Variants in TPST2 observed in about 807,000 individuals in gnomAD.
TPST2 encodes the protein tyrosylprotein sulfotransferase 2.
Under a neutral mutation model 27.8 loss-of-function variants are expected in TPST2, and 16 were observed. That is an observed-to-expected ratio of 0.58 (90% CI 0.39 to 0.88). The LOEUF (loss-of-function observed/expected upper bound fraction) is 0.88, where lower values mean the gene tolerates loss of function less well. Among genes scored for constraint, TPST2 ranks in the 40% least tolerant of loss-of-function variants. TPST2 has a pLI of 0.00. For missense variants in TPST2, 464 were observed against 543.1 expected (o/e 0.85, Z 1.45); for synonymous variants, 229 against 231.7 (o/e 0.99, Z 0.10).
intron 1 of TPST2, among the ~76,000 whole-genome samples, chr22:26,569,154 C>T (rs1480883554): frequency 2.0e-5 from 3 of 152,094 alleles, no homozygotes; most frequent in African/African-American, 4.8e-5. Flanking sequence ...TGAGCCACCG[C>T]GCCCAGCCTC....
In TPST2 at chr22:26,532,764, A is replaced by G. The variant is rs1300646772; in HGVS notation, c.1042-19T>C. The G allele has an allele frequency of 3.1e-6, 5 of 1,610,998 alleles. No individual in the cohort carries two copies. The highest frequency in any genetic ancestry group is 4.2e-6 in the Non-Finnish European group (5 of 1,178,812). On this transcript the variant is annotated intron_variant, in intron 4 of 6. Transcript: ENST00000338754. ...TCAAGACCTAAGGAAGAGAAAAAGA[A>G]ATATCACTATTATGAAAATGGCCAA...
chr22:26,568,516 C>T (rs1384937774), intron 1 of TPST2, among the ~76,000 whole-genome samples: 1 of 152,166 alleles, frequency 6.6e-6, no homozygotes, highest in East Asian at 1.9e-4. Flanking sequence ...CGGACAAAAC[C>T]GCCAAAACCA....
At chr22:26,574,915 C>A (rs1927771317) in intron 1 of TPST2, among the ~76,000 whole-genome samples, 1 of 152,196 alleles carries the variant, frequency 6.6e-6, no homozygotes, top group African/African-American at 2.4e-5. Flanking sequence ...CTGCATGCCA[C>A]TGGCTTTCTG....
At chr22:26,564,575 C>CT (rs1927292023) in intron 1 of TPST2, among the ~76,000 whole-genome samples, 1 of 152,204 alleles carries the variant, frequency 6.6e-6, no homozygotes, top group South Asian at 2.1e-4. Context: ...GTTTCCTCCC[C>CT]TAAAAATGGG....
chr22:26,556,419 A>G (rs989089567), intron 1 of TPST2, among the ~76,000 whole-genome samples: 7 of 152,170 alleles, frequency 4.6e-5, no homozygotes, highest in Admixed American at 4.6e-4. Context: ...AGCCACCTGT[A>G]ATCCCAGCTA....
intron 1 of TPST2, among the ~76,000 whole-genome samples, chr22:26,553,929 C>T (rs181323841): frequency 1.3e-5 from 2 of 152,258 alleles, no homozygotes; most frequent in Admixed American, 6.5e-5. Context: ...GATGCAACCA[C>T]CCATTTTTTC....
chr22:26,526,061 C>T lies in TPST2; in HGVS notation c.*214G>A, dbSNP rs1398727979. ...TCAAAAGCCGGACTACTTCCATACCCTTCATTCTCTACCCTGGAGTGTCCA... is the reference window on the plus strand; with the variant it reads ...TCAAAAGCCGGACTACTTCCATACCTTTCATTCTCTACCCTGGAGTGTCCA... On this transcript the variant is annotated 3_prime_UTR_variant, in exon 7 of 7. Transcript: ENST00000338754. The T allele has an allele frequency of 2.0e-5, 3 of 152,242 alleles. No individual in the cohort carries two copies. The highest frequency in any genetic ancestry group is 4.8e-5 in the African/African-American group (2 of 41,474). The allele number at this position is 152,242 out of a possible 1,614,324, so 9.4% of individuals were successfully genotyped here.
intron 5 of TPST2, among the ~76,000 whole-genome samples, chr22:26,529,001 C>T (rs1416145027): frequency 6.8e-6 from 1 of 147,134 alleles, no homozygotes; most frequent in Non-Finnish European, 1.5e-5. Context: ...AAAACAAAAA[C>T]AAAAAAAAAA....
At chr22:26,571,214 G>A (rs780723607) in intron 1 of TPST2, among the ~76,000 whole-genome samples, 2 of 151,792 alleles carry the variant, frequency 1.3e-5, no homozygotes, top group Non-Finnish European at 2.9e-5. Flanking sequence ...CCCCCTTGCT[G>A]TCACTCAAAC....
intron 1 of TPST2, among the ~76,000 whole-genome samples, chr22:26,550,295 GGAGCCAAGAAACCAGTAT>G (rs1302273891): frequency 3.3e-5 from 5 of 152,116 alleles, no homozygotes; most frequent in Admixed American, 2.0e-4. Flanking sequence ...ATTCCAGTGG[GGAGCCAAGAAACCAGTAT>G]GTGAGACAAT....
chr22:26,583,555 C>CA (rs112444411), intron 1 of TPST2, among the ~76,000 whole-genome samples: 202 of 138,056 alleles, frequency 1.5e-3, no homozygotes, highest in Middle Eastern at 3.9e-3. Flanking sequence ...TGGAGCGTGT[C>CA]AAAAAAAAAA....
intron 1 of TPST2, among the ~76,000 whole-genome samples, chr22:26,550,909 G>A (rs116942158): frequency 6.6e-6 from 1 of 152,178 alleles, no homozygotes; most frequent in African/African-American, 2.4e-5. Context: ...TCTGGACACT[G>A]CTTGAGCATA....
intron 1 of TPST2, among the ~76,000 whole-genome samples, chr22:26,561,549 A>AGTGCTTTGTTGC (rs76767852): frequency 6.6e-6 from 1 of 151,712 alleles, no homozygotes; most frequent in Non-Finnish European, 1.5e-5. Context: ...GTAATTGCAA[A>AGTGCTTTGTTGC]AAGAAAAAGT....
chr22:26,557,032 G>A (rs905238465), intron 1 of TPST2, among the ~76,000 whole-genome samples: 1 of 152,242 alleles, frequency 6.6e-6, no homozygotes, highest in African/African-American at 2.4e-5. Context: ...CCAGCCTGCG[G>A]CTATCAACAT....
intron 5 of TPST2, among the ~76,000 whole-genome samples, chr22:26,531,133 G>A (rs2147174475): frequency 6.6e-6 from 1 of 152,312 alleles, no homozygotes; most frequent in African/African-American, 2.4e-5. Flanking sequence ...AACAAAATAT[G>A]AAGGAATGGC....
chr22:26,547,038 T>TG (rs1180467491), intron 1 of TPST2, among the ~76,000 whole-genome samples: 2 of 152,202 alleles, frequency 1.3e-5, no homozygotes, highest in African/African-American at 4.8e-5. Flanking sequence ...TGGGCAGTGC[T>TG]GATTAGAGGG....
At chr22:26,532,186 G>A (rs767188057) in intron 5 of TPST2, among the ~76,000 whole-genome samples, 1 of 152,216 alleles carries the variant, frequency 6.6e-6, no homozygotes, top group Non-Finnish European at 1.5e-5. Context: ...GAAGTGAGAG[G>A]CTGCTTCCTG....
intron 5 of TPST2, among the ~76,000 whole-genome samples, 188 bp from the exon 6 acceptor site, chr22:26,528,450 G>A (rs1430969841): frequency 2.6e-5 from 4 of 152,236 alleles, no homozygotes; most frequent in East Asian, 1.9e-4. Context: ...CTAGGATCAC[G>A]GAACTTACGT....
chr22:26,558,600 C>T (rs1294796069), intron 1 of TPST2, among the ~76,000 whole-genome samples: 1 of 152,208 alleles, frequency 6.6e-6, no homozygotes, highest in Non-Finnish European at 1.5e-5. Context: ...CAAATCATAG[C>T]TTCTCTTGGG....
Sources: gnomAD v4.1 joint callset for allele counts (sites outside exome capture counted in the v4.1 genomes callset) on GRCh38, gnomAD v4.1.1 for gene constraint, MANE v1.5 for transcripts, NCBI Gene and HGNC (gene_info 2026-07-23, HGNC 2026-07-21) for gene names.